MEAK7: variants seen among roughly 807,000 people sequenced by gnomAD.
The protein encoded by MEAK7 is MTOR associated protein MEAK7.
In MEAK7, 68 loss-of-function variants were observed where a neutral mutation model predicts 40.5. The ratio of observed to expected loss-of-function variants is 1.68; its 90% CI spans 1.38 to 2.06. MEAK7 has a LOEUF of 2.06. MEAK7 is among the 30% of genes most tolerant of loss of function. The pLI is 0.00. For missense variants in MEAK7, 918 were observed against 580.5 expected (o/e 1.58, Z -5.98); for synonymous variants, 338 against 231.9 (o/e 1.46, Z -4.16).
At chr16:84,496,632 G>A (rs909753930) in intron 2 of MEAK7, among the ~76,000 whole-genome samples, 7 of 152,050 alleles carry the variant, frequency 4.6e-5, no homozygotes, top group African/African-American at 1.4e-4. Flanking sequence ...GACCAACCTC[G>A]GCCACTTCAC....
Position 84,478,749 on chromosome 16 carries a change from T to G in MEAK7, c.*1164A>C, listed in dbSNP as rs1912249499. 6.6e-6 allele frequency: 1 copy of G among 152,062 alleles called. No homozygotes were observed. Among genetic ancestry groups the G allele is most frequent in the Admixed American group, 6.6e-5 (1 of 15,254 alleles). 9.4% of individuals were successfully genotyped at this position (152,062 alleles called of 1,614,324 possible). A position where few individuals can be genotyped will look rare whatever the true frequency, so the allele number is the denominator to read the frequency against. On this transcript the variant is annotated 3_prime_UTR_variant, in exon 8 of 8. Coordinates refer to ENST00000343629, the MANE Select transcript of MEAK7 (RefSeq NM_020947.4). ...GTCTACACTGCTGAATTTCCCATCATCCCCCTCGGGAGCAGCCCTGGGCAA... is the reference window on the plus strand; with the variant it reads ...GTCTACACTGCTGAATTTCCCATCAGCCCCCTCGGGAGCAGCCCTGGGCAA...
At chr16:84,491,893 G>T (rs1320064258) in intron 3 of MEAK7, among the ~76,000 whole-genome samples, 2 of 151,874 alleles carry the variant, frequency 1.3e-5, no homozygotes, top group Non-Finnish European at 2.9e-5. Context: ...TTAAATTAAG[G>T]TTATCATATC....
intron 3 of MEAK7, 30 bp downstream of exon 3, chr16:84,495,653 A>C (rs751948230): frequency 6.2e-7 from 1 of 1,608,620 alleles, no homozygotes; most frequent in Non-Finnish European, 8.5e-7. Flanking sequence ...ACTGCTGAGG[A>C]GGCTGCAAAG....
chr16:84,486,019 T>G (rs1011026434), intron 5 of MEAK7: 4 of 150,952 alleles, frequency 2.6e-5, no homozygotes, highest in African/African-American at 9.8e-5. Flanking sequence ...AGAGGCAAGG[T>G]CTCACTATGT....
chr16:84,482,298 C>T (rs1337212081), intron 6 of MEAK7, among the ~76,000 whole-genome samples: 5 of 152,326 alleles, frequency 3.3e-5, no homozygotes, highest in African/African-American at 1.2e-4. Flanking sequence ...CCATCCCTAG[C>T]CACAAAGGCT....
rs953215202 is a variant in MEAK7, at chr16:84,495,816, T to C, written c.251A>G (p.Glu84Gly). 1 of 1,614,152 alleles carries C rather than the reference T, an allele frequency of 6.2e-7. No individual in the cohort carries two copies. The highest frequency in any genetic ancestry group is 8.5e-7 in the Non-Finnish European group (1 of 1,180,038). Residue 84 changes from glutamate (E) to glycine (G), a missense_variant, in exon 3 of 8, where the codon GAG becomes GGG. Physicochemically the swap from Glu to Gly is moderately conservative, Grantham distance 98. Transcript: ENST00000343629. Reference sequence around the variant, plus strand: ...TGTGAACTGCTCCTGGGACACGTTCTCACTGGGTCCCTTCGCCTTCCCTGT... The same window carrying C: ...TGTGAACTGCTCCTGGGACACGTTCCCACTGGGTCCCTTCGCCTTCCCTGT... ...DLTGKAKGPS[E>G]NVSQEQFTAS...
intron 6 of MEAK7, 22 bp from the exon 7 acceptor site, chr16:84,480,730 A>G: frequency 6.3e-7 from 1 of 1,597,598 alleles, no homozygotes. Flanking sequence ...GCCAGGACAG[A>G]GAATAGCATC....
intron 3 of MEAK7, among the ~76,000 whole-genome samples, chr16:84,491,836 C>CAA (rs55939999): frequency 5.5e-4 from 70 of 128,256 alleles, no homozygotes; most frequent in South Asian, 2.2e-3. Flanking sequence ...GACTCCGTCT[C>CAA]AAAAAAAAAA....
At position 84,498,040 on chromosome 16, in the gene MEAK7, A is replaced by T; in HGVS notation, c.47T>A (p.Phe16Tyr). 6.2e-7 allele frequency: 1 copy of T among 1,614,132 alleles called. No individual in the cohort carries two copies. The change falls in exon 2 of 8, where the codon TTT becomes TAT. Residue 16 changes from phenylalanine (F) to tyrosine (Y), a missense_variant. By Grantham distance (22) the Phe-to-Tyr change is conservative. Coordinates refer to ENST00000343629, the MANE Select transcript of MEAK7 (RefSeq NM_020947.4). ...SRVGRSFCSQ[F>Y]LPEEQAEIDQ... ...AATCTCTGCCTGTTCCTCAGGAAGA[A>T]ACTGTGAACAAAAGCTCCGCCCCAC...
chr16:84,492,862 G>T (rs560123746), intron 3 of MEAK7, among the ~76,000 whole-genome samples: 3 of 152,158 alleles, frequency 2.0e-5, no homozygotes, highest in Non-Finnish European at 2.9e-5. Context: ...CATTACAGGC[G>T]TCAGCCACTA....
At chr16:84,493,877 G>T (rs1273379065) in intron 3 of MEAK7, among the ~76,000 whole-genome samples, 4 of 152,110 alleles carry the variant, frequency 2.6e-5, no homozygotes, top group Admixed American at 2.0e-4. Flanking sequence ...GTCCTTTACA[G>T]GGTCCTGATC....
chr16:84,497,581 T>C (rs1245624507), intron 2 of MEAK7: 3 of 1,305,584 alleles, frequency 2.3e-6, no homozygotes, highest in Non-Finnish European at 2.0e-6. Flanking sequence ...TCCTCTGATG[T>C]TCATCTCAAG....
intron 1 of MEAK7, among the ~76,000 whole-genome samples, chr16:84,498,492 C>T (rs1160883897): frequency 1.3e-5 from 2 of 151,630 alleles, no homozygotes; most frequent in African/African-American, 4.9e-5. Flanking sequence ...CCAGGCTGGT[C>T]TCCAGCTTCT....
intron 1 of MEAK7, 133 bp downstream of exon 1, chr16:84,504,468 G>T: frequency 2.2e-6 from 1 of 460,930 alleles, no homozygotes; most frequent in Non-Finnish European, 2.9e-6. Flanking sequence ...CGACCCGAGG[G>T]CCTGAAGAGG....
At chr16:84,486,421 A>G in intron 5 of MEAK7, 1 of 1,357,920 alleles carries the variant, frequency 7.4e-7, no homozygotes, top group South Asian at 1.9e-5. Flanking sequence ...TCCTCGCCTG[A>G]AAACTGGGGG....
chr16:84,486,680 C>A lies in MEAK7; in HGVS notation c.909G>T (p.Val303=), dbSNP rs1443074191. Residue 303 remains valine (V), a synonymous_variant, in exon 5 of 8, where the codon GTG becomes GTT. Coordinates refer to ENST00000343629, the MANE Select transcript of MEAK7 (RefSeq NM_020947.4). ...VAVLEDHDKH[V]FGGFASCSWE... ...AAGAGCAAGAGGCAAACCCACCGAACACATGCTTGTCATGGTCCTCGAGGA... is the reference window on the plus strand; with the variant it reads ...AAGAGCAAGAGGCAAACCCACCGAAAACATGCTTGTCATGGTCCTCGAGGA... 4 of 1,613,844 alleles carry A rather than the reference C, an allele frequency of 2.5e-6. No individual in the cohort carries two copies. The highest frequency in any genetic ancestry group is 3.4e-6 in the Non-Finnish European group (4 of 1,179,942).
At chr16:84,482,426 C>G (rs1265451423) in intron 6 of MEAK7, among the ~76,000 whole-genome samples, 166 bp downstream of exon 6, 1 of 152,234 alleles carries the variant, frequency 6.6e-6, no homozygotes, top group Non-Finnish European at 1.5e-5. Context: ...GCCCAGCTGT[C>G]ACTGCCCCCA....
chr16:84,497,798 C>T, intron 2 of MEAK7, 136 bp downstream of exon 2: 1 of 1,369,292 alleles, frequency 7.3e-7, no homozygotes, highest in Non-Finnish European at 1.0e-6. Context: ...TCACATCTGG[C>T]CCTTTACAGA....
chr16:84,479,764 C>T lies in MEAK7; in HGVS notation c.*149G>A, dbSNP rs962778616. On this transcript the variant is annotated 3_prime_UTR_variant, in exon 8 of 8. Coordinates refer to ENST00000343629, the MANE Select transcript of MEAK7 (RefSeq NM_020947.4). ...TGAGTCAGGACATGGCTTCAGAGGG[C>T]GTCTTCTTGGCACATGTGGGACTAC... is the stretch of plus-strand genomic sequence containing the variant. The T allele has an allele frequency of 4.3e-6, 2 of 463,394 alleles. No homozygotes were observed. Among genetic ancestry groups the T allele is most frequent in the South Asian group, 6.8e-5 (1 of 14,620 alleles). The allele number at this position is 463,394 out of a possible 1,614,324, so 28.7% of individuals were successfully genotyped here. A position where few individuals can be genotyped will look rare whatever the true frequency, so the allele number is the denominator to read the frequency against.
Sources: allele counts gnomAD v4.1 joint callset (sites outside exome capture counted in the v4.1 genomes callset), GRCh38; gene constraint gnomAD v4.1.1; transcripts MANE v1.5; gene names NCBI Gene and HGNC (gene_info 2026-07-23, HGNC 2026-07-21).